The following DTNB variants were observed in gnomAD, a reference collection of about 807,000 sequenced individuals.
The protein encoded by DTNB is DTN-B.
In DTNB, 63 loss-of-function variants were observed where a neutral mutation model predicts 90.7. The ratio of observed to expected loss-of-function variants is 0.69; its 90% CI spans 0.57 to 0.86. The LOEUF (loss-of-function observed/expected upper bound fraction) is 0.86. DTNB is among the 40% of genes least tolerant of loss of function. The pLI, the probability that DTNB is intolerant of heterozygous loss-of-function variation, is 0.00. For missense variants in DTNB, 744 were observed against 807.1 expected, an observed-to-expected ratio of 0.92 and a Z score of 0.95; for synonymous variants, 277 against 286.7, an observed-to-expected ratio of 0.97 and a Z score of 0.34.
chr2:25,509,815 T>C (rs1176428492), intron 9 of DTNB, among the ~76,000 whole-genome samples: 2 of 146,028 alleles, frequency 1.4e-5, no homozygotes, highest in Non-Finnish European at 3.0e-5. Flanking sequence ...AGTGGTGCGA[T>C]CTCAGCTCAA....
chr2:25,496,699 C>T (rs1033214004), intron 9 of DTNB, among the ~76,000 whole-genome samples: 3 of 152,038 alleles, frequency 2.0e-5, no homozygotes, highest in African/African-American at 7.2e-5. Flanking sequence ...AAAAATTAGC[C>T]AGGCATGGTG....
Position 25,387,243 on chromosome 2 carries a change from C to A in DTNB, c.1825+46G>T, listed in dbSNP as rs1263714354. The A allele has an allele frequency of 6.3e-7, 1 of 1,579,676 alleles. No individual in the cohort carries two copies. Among genetic ancestry groups the A allele is most frequent in the East Asian group, 2.3e-5 (1 of 44,336 alleles). ...GGCAAGGAAGTGAGAAGGGCGCGGG[C>A]AAGGCAGGGGAGGCCAGGAAGCTGG... is the stretch of plus-strand genomic sequence containing the variant. On this transcript the variant is annotated intron_variant, in intron 18 of 20. Transcript: ENST00000406818. The surrounding 1 kb of genome is among the most constrained non-coding windows in gnomAD (Gnocchi z 4.5).
At chr2:25,615,045 T>C (rs2069864485) in intron 4 of DTNB, among the ~76,000 whole-genome samples, 2 of 152,188 alleles carry the variant, frequency 1.3e-5, no homozygotes, top group African/African-American at 4.8e-5. Context: ...AACTATAAAA[T>C]TGCGGTTCCC....
chr2:25,643,241 G>A (rs1023761075), intron 2 of DTNB, among the ~76,000 whole-genome samples: 27 of 152,098 alleles, frequency 1.8e-4, no homozygotes, highest in African/African-American at 6.5e-4. Flanking sequence ...AAGTGCTACC[G>A]CCCCAGCCCT....
chr2:25,596,388 C>T (rs2064645040), intron 5 of DTNB, 148 bp from the exon 6 acceptor site: 1 of 939,830 alleles, frequency 1.1e-6, no homozygotes, highest in African/African-American at 1.7e-5. Flanking sequence ...TAAAACTATT[C>T]TCATCCTTAT....
intron 8 of DTNB, among the ~76,000 whole-genome samples, chr2:25,548,986 T>G (rs2083028616): frequency 6.6e-6 from 1 of 152,222 alleles, no homozygotes; most frequent in Non-Finnish European, 1.5e-5. Context: ...AATTTCACTT[T>G]CTAGCATTTG....
rs1010946370 is a variant in DTNB, at chr2:25,378,023, G to A, written c.*30-470C>T. On this transcript the variant is annotated intron_variant, in intron 20 of 20. Coordinates refer to ENST00000406818, the MANE Select transcript of DTNB (RefSeq NM_021907.5). ...CGCAGGATTAGGAGGCAGAAGACCCGGCTCCAATTCTGCTTCTGGCATGGA... is the reference window on the plus strand; with the variant it reads ...CGCAGGATTAGGAGGCAGAAGACCCAGCTCCAATTCTGCTTCTGGCATGGA... Among the ~76,000 whole-genome samples the A allele has an allele frequency of 2.0e-5, 3 of 152,192 alleles. 1 individual carries two copies. Among genetic ancestry groups the A allele is most frequent in the Non-Finnish European group, 4.4e-5 (3 of 68,040 alleles).
intron 10 of DTNB, among the ~76,000 whole-genome samples, chr2:25,478,950 C>T (rs1318061554): frequency 1.3e-5 from 2 of 152,170 alleles, no homozygotes; most frequent in East Asian, 3.9e-4. Context: ...AGAGGCAGCT[C>T]GGAGAAGGAG....
chr2:25,633,306 G>GGC (rs1404260208), intron 3 of DTNB, among the ~76,000 whole-genome samples: 1 of 149,844 alleles, frequency 6.7e-6, no homozygotes, highest in Non-Finnish European at 1.5e-5. Flanking sequence ...TGCCATTGCA[G>GGC]GCGCGCGCCG....
At chr2:25,482,976 C>T (rs1041091921) in intron 9 of DTNB, 103 bp from the exon 10 acceptor site, 14 of 1,159,678 alleles carry the variant, frequency 1.2e-5, no homozygotes, top group Middle Eastern at 2.1e-4. Context: ...TCATCATTCG[C>T]GGTAAGCACA....
intron 1 of DTNB, among the ~76,000 whole-genome samples, chr2:25,666,175 G>GT (rs2084390868): frequency 6.6e-6 from 1 of 152,070 alleles, no homozygotes; most frequent in Non-Finnish European, 1.5e-5. Flanking sequence ...AGGTTGTGAG[G>GT]TTTTTTGTTA....
chr2:25,631,587 GAAAGA>G (rs2075768281), intron 3 of DTNB, among the ~76,000 whole-genome samples: 1 of 148,062 alleles, frequency 6.8e-6, no homozygotes, highest in Admixed American at 6.7e-5. Flanking sequence ...AAAAAAAAAA[GAAAGA>G]AAAAAGAAAA....
intron 8 of DTNB, among the ~76,000 whole-genome samples, chr2:25,561,246 C>T (rs2058214151): frequency 6.6e-6 from 1 of 152,128 alleles, no homozygotes; most frequent in African/African-American, 2.4e-5. Context: ...ACACTCAACA[C>T]CCCCCTCCTT....
chr2:25,416,775 C>A (rs891018295), intron 16 of DTNB, among the ~76,000 whole-genome samples: 1 of 133,710 alleles, frequency 7.5e-6, no homozygotes, highest in Non-Finnish European at 1.6e-5. Flanking sequence ...ACTACACCAG[C>A]CAGAACCTGG....
chr2:25,573,762 TC>T (rs1192026409), intron 8 of DTNB, among the ~76,000 whole-genome samples: 2 of 152,206 alleles, frequency 1.3e-5, no homozygotes, highest in Non-Finnish European at 2.9e-5. Context: ...GTCAGTTTCC[TC>T]ATCAAGTGTG....
At chr2:25,545,087 T>C (rs1167810356) in intron 8 of DTNB, among the ~76,000 whole-genome samples, 42 of 152,236 alleles carry the variant, frequency 2.8e-4, no homozygotes, top group Non-Finnish European at 5.9e-5. Flanking sequence ...GCACTCTGTA[T>C]TCTGATTAAT....
At chr2:25,534,457 CCTTTT>C (rs1006059409) in intron 8 of DTNB, among the ~76,000 whole-genome samples, 4 of 151,938 alleles carry the variant, frequency 2.6e-5, no homozygotes, top group Non-Finnish European at 5.9e-5. Context: ...CACATTTCCC[CCTTTT>C]CTTTTCGACA....
At chr2:25,382,518 C>CTT (rs2038106792) in intron 19 of DTNB, among the ~76,000 whole-genome samples, 1 of 117,956 alleles carries the variant, frequency 8.5e-6, no homozygotes, top group Non-Finnish European at 1.8e-5. Context: ...CAGTTCTCTG[C>CTT]CTTTTTTTTT....
chr2:25,600,114 C>G (rs1312345289), intron 5 of DTNB, among the ~76,000 whole-genome samples: 1 of 152,066 alleles, frequency 6.6e-6, no homozygotes, highest in African/African-American at 2.4e-5. Flanking sequence ...AAATAAATAG[C>G]TGCTAGTCTT....
Sources: gnomAD v4.1 joint callset for allele counts (sites outside exome capture counted in the v4.1 genomes callset) on GRCh38, gnomAD v4.1.1 for gene constraint, Gnocchi (gnomAD v3.1) non-coding constraint, MANE v1.5 for transcripts, NCBI Gene and HGNC (gene_info 2026-07-23, HGNC 2026-07-21) for gene names.